RUNDC3B: variants seen among roughly 807,000 people sequenced by gnomAD.
RUNDC3B encodes the protein RUN domain containing 3B, also known as RUN domain-containing protein 3B.
RUNDC3B carries 33 observed loss-of-function variants against 58.4 expected under a neutral mutation model. The observed-to-expected ratio is 0.56, with a 90% CI of 0.43 to 0.75. The LOEUF is 0.75. RUNDC3B is among the 30% of genes least tolerant of loss of function. The pLI, the probability that RUNDC3B is intolerant of heterozygous loss-of-function variation, is 0.00. For missense variants in RUNDC3B, 501 were observed against 535.7 expected (o/e 0.94, Z 0.64); for synonymous variants, 193 against 195.2 (o/e 0.99, Z 0.10).
At chr7:87,776,787 T>G (rs1834661335) in intron 7 of RUNDC3B, among the ~76,000 whole-genome samples, 1 of 152,046 alleles carries the variant, frequency 6.6e-6, no homozygotes, top group Non-Finnish European at 1.5e-5. Context: ...AAATAAGTTC[T>G]TGAAGAATAG....
In RUNDC3B at chr7:87,646,404, T is replaced by G. The variant is rs372866082; in HGVS notation, c.123-4418T>G. ...TAAAGGTGGAAATTGAGTTCTAACC[T>G]AGATTTTTATTTTTGATGAATTAAG... is the stretch of plus-strand genomic sequence containing the variant. On this transcript the variant is annotated intron_variant, in intron 1 of 10. Transcript: ENST00000394654. Among the ~76,000 whole-genome samples, 3 of 152,180 alleles carry G rather than the reference T, an allele frequency of 2.0e-5. No individual in the cohort carries two copies. In the South Asian group the frequency reaches 6.2e-4, roughly 31 times the overall value.
chr7:87,636,030 C>T (rs957093649), intron 1 of RUNDC3B, among the ~76,000 whole-genome samples: 2 of 152,144 alleles, frequency 1.3e-5, no homozygotes, highest in Non-Finnish European at 2.9e-5. Context: ...TTTTTGACTA[C>T]TACTAACTAA....
chr7:87,684,140 C>T (rs1753452178), intron 2 of RUNDC3B, among the ~76,000 whole-genome samples: 1 of 152,126 alleles, frequency 6.6e-6, no homozygotes, highest in Admixed American at 6.5e-5. Context: ...AAGAAAACTT[C>T]CTTAAAGGGC....
At chr7:87,802,220 G>A (rs1295567725) in intron 8 of RUNDC3B, among the ~76,000 whole-genome samples, 2 of 151,844 alleles carry the variant, frequency 1.3e-5, no homozygotes, top group East Asian at 3.9e-4. Flanking sequence ...GGCAAAACCT[G>A]GGTCTCTATA....
At chr7:87,769,342 A>G (rs1230618517) in intron 6 of RUNDC3B, among the ~76,000 whole-genome samples, 1 of 152,060 alleles carries the variant, frequency 6.6e-6, no homozygotes, top group African/African-American at 2.4e-5. Context: ...GGACCTGAAC[A>G]TCTGGGGTTT....
chr7:87,790,523 T>C (rs998020883), intron 8 of RUNDC3B, among the ~76,000 whole-genome samples: 8 of 151,922 alleles, frequency 5.3e-5, no homozygotes, highest in South Asian at 2.1e-4. Flanking sequence ...CCTGGAGAAA[T>C]AGGGATATGT....
chr7:87,661,602 A>ATT (rs1824723481), intron 2 of RUNDC3B, among the ~76,000 whole-genome samples: 3 of 151,830 alleles, frequency 2.0e-5, no homozygotes, highest in South Asian at 4.2e-4. Context: ...ATAGGATCTC[A>ATT]TTTTTTTATG....
At chr7:87,757,284 G>T (rs1251917449) in intron 6 of RUNDC3B, among the ~76,000 whole-genome samples, 1 of 151,862 alleles carries the variant, frequency 6.6e-6, no homozygotes, top group East Asian at 1.9e-4. Context: ...TTCTATAAAT[G>T]GAAAAGTAGA....
At chr7:87,650,748 C>G in intron 1 of RUNDC3B, 74 bp from the exon 2 acceptor site, 1 of 845,258 alleles carries the variant, frequency 1.2e-6, no homozygotes, top group Non-Finnish European at 2.0e-6. Flanking sequence ...CCCAAATTGC[C>G]TTCCTCCCAT....
intron 6 of RUNDC3B, among the ~76,000 whole-genome samples, chr7:87,753,401 A>G (rs887539437): frequency 6.6e-6 from 1 of 151,966 alleles, no homozygotes; most frequent in Admixed American, 6.6e-5. Context: ...CACTTGGTGC[A>G]GAGCTGAGTT....
intron 2 of RUNDC3B, among the ~76,000 whole-genome samples, chr7:87,683,031 T>C (rs1827082109): frequency 6.6e-6 from 1 of 152,238 alleles, no homozygotes; most frequent in African/African-American, 2.4e-5. Context: ...CCATCAGCAC[T>C]TGCTGCTTCA....
Position 87,739,832 on chromosome 7 carries a change from C to T in RUNDC3B, c.500C>T (p.Ala167Val). The change falls in exon 5 of 11, where the codon GCA becomes GTA. Residue 167 changes from alanine (A) to valine (V), a missense_variant. Coordinates refer to ENST00000394654, the MANE Select transcript of RUNDC3B (RefSeq NM_001134405.2). Reference sequence around the variant, plus strand: ...GGAGCAATTGTCTTGGGTGAAGAAGCAAATATGCTTGCTGGCATGCTTCTA... The same window carrying T: ...GGAGCAATTGTCTTGGGTGAAGAAGTAAATATGCTTGCTGGCATGCTTCTA... ...EDGAIVLGEE[A>V]NMLAGMLLGL... 2 of 1,598,604 alleles carry T rather than the reference C, an allele frequency of 1.3e-6. No individual in the cohort carries two copies. Among genetic ancestry groups the T allele is most frequent in the South Asian group, 1.1e-5 (1 of 89,006 alleles).
intron 1 of RUNDC3B, among the ~76,000 whole-genome samples, chr7:87,646,608 A>G (rs1421501149): frequency 5.9e-5 from 9 of 152,092 alleles, no homozygotes; most frequent in Non-Finnish European, 1.0e-4. Context: ...ACATTCAGAA[A>G]TTTCCTTCTA....
chr7:87,742,919 C>T (rs879402421), intron 6 of RUNDC3B, among the ~76,000 whole-genome samples: 8 of 151,980 alleles, frequency 5.3e-5, no homozygotes, highest in East Asian at 1.9e-4. Context: ...AGAGACCATC[C>T]GGGCTAACAC....
intron 8 of RUNDC3B, among the ~76,000 whole-genome samples, chr7:87,800,484 C>A (rs556858226): frequency 7.2e-5 from 11 of 152,156 alleles, no homozygotes; most frequent in Non-Finnish European, 1.6e-4. Flanking sequence ...CTTCAACATA[C>A]TGATTTCAAA....
chr7:87,754,943 CAA>C (rs35896180), intron 6 of RUNDC3B, among the ~76,000 whole-genome samples: 7 of 73,352 alleles, frequency 9.5e-5, no homozygotes, highest in Middle Eastern at 8.9e-3. Context: ...GCTTACCAAC[CAA>C]AAAAAAAAAA....
intron 4 of RUNDC3B, among the ~76,000 whole-genome samples, chr7:87,727,130 T>C (rs1295928596): frequency 6.6e-6 from 1 of 152,222 alleles, no homozygotes; most frequent in East Asian, 1.9e-4. Flanking sequence ...CTATGTTGAA[T>C]AGGAGTGGTG....
intron 4 of RUNDC3B, among the ~76,000 whole-genome samples, chr7:87,720,112 T>C (rs1830786897): frequency 6.6e-6 from 1 of 151,974 alleles, no homozygotes; most frequent in South Asian, 2.1e-4. Context: ...ATAAAAGACT[T>C]TTTTAATTAA....
At chr7:87,643,277 G>A (rs921884514) in intron 1 of RUNDC3B, among the ~76,000 whole-genome samples, 2 of 152,004 alleles carry the variant, frequency 1.3e-5, no homozygotes, top group East Asian at 3.9e-4. Flanking sequence ...AAAATATCAC[G>A]AAGAGAGTTT....
Sources: allele counts gnomAD v4.1 joint callset (sites outside exome capture counted in the v4.1 genomes callset), GRCh38; gene constraint gnomAD v4.1.1; transcripts MANE v1.5; gene names NCBI Gene and HGNC (gene_info 2026-07-23, HGNC 2026-07-21).